LMX1A: variants seen among roughly 807,000 people sequenced by gnomAD.
The protein encoded by LMX1A is LIM homeobox transcription factor 1-alpha.
Under a neutral mutation model 49.1 loss-of-function variants are expected in LMX1A, and 15 were observed. The ratio of observed to expected loss-of-function variants is 0.31; its 90% CI spans 0.20 to 0.47. The LOEUF is 0.47. Ranked by LOEUF, LMX1A falls within the 20% of genes least tolerant of loss-of-function variation. The probability of loss-of-function intolerance (pLI) is 1.00; values close to 1 mark genes in which losing one functional copy is unlikely to be tolerated. For missense variants in LMX1A, 372 were observed against 475.8 expected, an observed-to-expected ratio of 0.78 and a Z score of 2.03; for synonymous variants, 167 against 185.7, an observed-to-expected ratio of 0.90 and a Z score of 0.82.
chr1:165,302,677 A>G (rs1654814632), intron 3 of LMX1A, among the ~76,000 whole-genome samples: 1 of 152,202 alleles, frequency 6.6e-6, no homozygotes, highest in Admixed American at 6.5e-5. Context: ...AATGAAGACG[A>G]ATGACACAGC....
At chr1:165,343,920 A>G (rs1205184768) in intron 3 of LMX1A, among the ~76,000 whole-genome samples, 1 of 152,232 alleles carries the variant, frequency 6.6e-6, no homozygotes, top group African/African-American at 2.4e-5. Context: ...TCAGAAGAAT[A>G]GAACATTATC....
chr1:165,216,340 T>G (rs1651642236), intron 4 of LMX1A, among the ~76,000 whole-genome samples: 1 of 152,192 alleles, frequency 6.6e-6, no homozygotes, highest in Non-Finnish European at 1.5e-5. Flanking sequence ...CTATTGATCC[T>G]ACTGCTCAGA....
intron 3 of LMX1A, among the ~76,000 whole-genome samples, chr1:165,318,849 G>A (rs1319930796): frequency 1.3e-5 from 2 of 152,094 alleles, no homozygotes; most frequent in South Asian, 2.1e-4. Context: ...TGGCATCGAT[G>A]AGCCACCATA....
At chr1:165,209,057 GA>G (rs1411332265) in intron 6 of LMX1A, among the ~76,000 whole-genome samples, 1 of 152,178 alleles carries the variant, frequency 6.6e-6, no homozygotes, top group African/African-American at 2.4e-5. Context: ...CTGTGTGTAG[GA>G]AACACTAGAT....
intron 3 of LMX1A, among the ~76,000 whole-genome samples, chr1:165,265,106 A>T (rs1653578477): frequency 6.7e-6 from 1 of 148,306 alleles, no homozygotes; most frequent in Non-Finnish European, 1.5e-5. Flanking sequence ...CAGGAGGCTG[A>T]GGCAGGAGAA....
At chr1:165,286,259 G>A (rs1366603164) in intron 3 of LMX1A, among the ~76,000 whole-genome samples, 2 of 152,146 alleles carry the variant, frequency 1.3e-5, no homozygotes, top group South Asian at 2.1e-4. Context: ...GAGTATGTCG[G>A]CACTCAATAA....
intron 3 of LMX1A, among the ~76,000 whole-genome samples, chr1:165,287,058 T>C (rs1571202669): frequency 6.6e-6 from 1 of 152,102 alleles, no homozygotes; most frequent in East Asian, 1.9e-4. Flanking sequence ...ATAGAAAGAA[T>C]AAATCAAAAC....
chr1:165,204,107 T>G (rs532285060), intron 8 of LMX1A, 67 bp from the exon 9 acceptor site: 2 of 1,524,402 alleles, frequency 1.3e-6, no homozygotes, highest in East Asian at 4.5e-5. Flanking sequence ...GCTAGGATAT[T>G]CAGCTGAATT....
At chr1:165,224,485 T>A (rs1276846677) in intron 4 of LMX1A, among the ~76,000 whole-genome samples, 2 of 152,198 alleles carry the variant, frequency 1.3e-5, no homozygotes, top group Non-Finnish European at 2.9e-5. Context: ...GTTTATGGTA[T>A]CTAGTTAATG....
intron 5 of LMX1A, among the ~76,000 whole-genome samples, chr1:165,212,683 G>A (rs577578845): frequency 4.1e-4 from 63 of 152,160 alleles, no homozygotes; most frequent in African/African-American, 1.3e-3. Flanking sequence ...ACAGGCAGTC[G>A]ATAAACAATA....
intron 4 of LMX1A, among the ~76,000 whole-genome samples, chr1:165,229,327 C>T (rs969645443): frequency 6.6e-6 from 1 of 152,158 alleles, no homozygotes; most frequent in East Asian, 1.9e-4. Flanking sequence ...CTAGAAAACC[C>T]CAAGATTCAG....
intron 3 of LMX1A, among the ~76,000 whole-genome samples, chr1:165,279,765 T>C (rs1364261188): frequency 1.3e-5 from 2 of 152,312 alleles, no homozygotes; most frequent in Non-Finnish European, 2.9e-5. Flanking sequence ...TGGGCTTATA[T>C]GGCAGTGTCT....
At chr1:165,244,860 CAAA>C (rs5778436) in intron 4 of LMX1A, among the ~76,000 whole-genome samples, 1 of 150,546 alleles carries the variant, frequency 6.6e-6, no homozygotes. Context: ...TGCCCAGTGT[CAAA>C]AAAAAAAAAT....
intron 8 of LMX1A, among the ~76,000 whole-genome samples, chr1:165,205,064 G>A (rs1262608128): frequency 6.6e-6 from 1 of 152,044 alleles, no homozygotes; most frequent in Non-Finnish European, 1.5e-5. Flanking sequence ...GTGAATCTCT[G>A]ATACTAATGT....
chr1:165,309,115 G>A (rs1655002152), intron 3 of LMX1A, among the ~76,000 whole-genome samples: 1 of 151,888 alleles, frequency 6.6e-6, no homozygotes. Context: ...TCCCCGCCCT[G>A]CCACCATTTG....
intron 3 of LMX1A, among the ~76,000 whole-genome samples, chr1:165,282,991 A>C (rs1358658872): frequency 6.6e-6 from 1 of 152,150 alleles, no homozygotes; most frequent in Non-Finnish European, 1.5e-5. Context: ...GATCCTCACC[A>C]CTGTCTCCAA....
intron 3 of LMX1A, among the ~76,000 whole-genome samples, chr1:165,277,989 A>G (rs1654021473): frequency 6.6e-6 from 1 of 152,222 alleles, no homozygotes; most frequent in African/African-American, 2.4e-5. Context: ...ACTGTGTGCT[A>G]GTTGCTATTC....
At chr1:165,315,873 C>T (rs759808704) in intron 3 of LMX1A, among the ~76,000 whole-genome samples, 1 of 152,204 alleles carries the variant, frequency 6.6e-6, no homozygotes, top group Admixed American at 6.5e-5. Context: ...TCAAGGAACA[C>T]CTCTCTCAGC....
rs565174103 is a variant in LMX1A at position 165,202,322 on chromosome 1, G to T, written c.*1558C>A. The T allele has an allele frequency of 6.5e-6, 1 of 152,760 alleles. No individual in the cohort carries two copies. The highest frequency in any genetic ancestry group is 2.1e-4 in the South Asian group (1 of 4,808). The allele number at this position is 152,760 out of a possible 1,614,324, so 9.5% of individuals were successfully genotyped here. ...CCTAGCACCGCAACTGGAGACCAGG[G>T]TGTGGAACTGTCCCCATGTACAATG... On this transcript the variant is annotated 3_prime_UTR_variant, in exon 9 of 9. Transcript: ENST00000342310.
Sources: gnomAD v4.1 joint callset for allele counts (sites outside exome capture counted in the v4.1 genomes callset) on GRCh38, gnomAD v4.1.1 for gene constraint, MANE v1.5 for transcripts, NCBI Gene and HGNC (gene_info 2026-07-23, HGNC 2026-07-21) for gene names.